BTBD9: variants seen among roughly 807,000 people sequenced by gnomAD.
The protein encoded by BTBD9 is BTB domain containing 9.
A neutral mutation model predicts 64.3 loss-of-function variants in BTBD9; 49 were observed. That is an observed-to-expected ratio of 0.76 (90% CI 0.61 to 0.97). The LOEUF (loss-of-function observed/expected upper bound fraction) is 0.97, where lower values mean the gene tolerates loss of function less well. Ranked by LOEUF, BTBD9 falls within the 50% of genes least tolerant of loss-of-function variation. BTBD9 has a pLI of 0.00. For missense variants in BTBD9, 598 were observed against 762.1 expected, an observed-to-expected ratio of 0.78 and a Z score of 2.53; for synonymous variants, 260 against 274.7, an observed-to-expected ratio of 0.95 and a Z score of 0.53.
intron 6 of BTBD9, among the ~76,000 whole-genome samples, chr6:38,511,632 G>A (rs1364939467): frequency 7.2e-5 from 11 of 151,728 alleles, no homozygotes; most frequent in South Asian, 2.1e-4. Context: ...ATGAGCCACC[G>A]CTCCTGGCTG....
chr6:38,509,793 T>C (rs1324969230), intron 6 of BTBD9, among the ~76,000 whole-genome samples: 2 of 152,216 alleles, frequency 1.3e-5, no homozygotes, highest in Non-Finnish European at 2.9e-5. Context: ...ATTTGTTGAA[T>C]GAATGCTTGA....
chr6:38,452,590 A>G (rs559334998), intron 6 of BTBD9, among the ~76,000 whole-genome samples: 1 of 152,178 alleles, frequency 6.6e-6, no homozygotes, highest in Non-Finnish European at 1.5e-5. Flanking sequence ...AAAGATGAAT[A>G]TAAGAGAAAT....
chr6:38,429,626 A>G (rs1454495275), intron 6 of BTBD9, among the ~76,000 whole-genome samples: 1 of 151,956 alleles, frequency 6.6e-6, no homozygotes, highest in African/African-American at 2.4e-5. Context: ...CTGCATCTAC[A>G]GTGTTGCTCC....
chr6:38,445,338 A>C (rs1442931447), intron 6 of BTBD9, among the ~76,000 whole-genome samples: 1 of 152,192 alleles, frequency 6.6e-6, no homozygotes, highest in African/African-American at 2.4e-5. Context: ...CTTTGGTCTT[A>C]ACTATTTTTC....
intron 6 of BTBD9, among the ~76,000 whole-genome samples, chr6:38,441,010 G>A (rs1562191523): frequency 6.6e-6 from 1 of 152,174 alleles, no homozygotes; most frequent in Non-Finnish European, 1.5e-5. Context: ...AACACCCTGT[G>A]GAGAAGTGGA....
At chr6:38,232,301 C>T (rs1031743542) in intron 9 of BTBD9, among the ~76,000 whole-genome samples, 3 of 151,180 alleles carry the variant, frequency 2.0e-5, no homozygotes, top group South Asian at 2.1e-4. Context: ...GACGGAGTCT[C>T]GCTCTGTTGC....
chr6:38,351,750 C>T (rs541653391), intron 6 of BTBD9, among the ~76,000 whole-genome samples: 35 of 151,986 alleles, frequency 2.3e-4, no homozygotes, highest in Middle Eastern at 3.4e-3. Flanking sequence ...CTGCCCGCCT[C>T]GGCCTCCCAA....
chr6:38,286,418 C>T (rs956682867), intron 8 of BTBD9, among the ~76,000 whole-genome samples: 12 of 152,126 alleles, frequency 7.9e-5, no homozygotes, highest in Non-Finnish European at 1.3e-4. Flanking sequence ...CAGGAAACAA[C>T]AAAGCAAATG....
At chr6:38,589,755 C>A (rs1776707228) in intron 4 of BTBD9, among the ~76,000 whole-genome samples, 1 of 152,212 alleles carries the variant, frequency 6.6e-6, no homozygotes. Flanking sequence ...CAACTAATCA[C>A]AATTTATATC....
intron 9 of BTBD9, among the ~76,000 whole-genome samples, chr6:38,217,239 A>G (rs949300658): frequency 2.0e-5 from 3 of 149,074 alleles, no homozygotes; most frequent in Non-Finnish European, 4.4e-5. Context: ...GAATCGCTTG[A>G]ACCCGGGAGG....
intron 6 of BTBD9, among the ~76,000 whole-genome samples, chr6:38,479,967 G>A (rs766845421): frequency 1.1e-4 from 16 of 152,110 alleles, no homozygotes; most frequent in Admixed American, 3.9e-4. Context: ...GGGCTCAAGC[G>A]ATCCTCCTGC....
At chr6:38,553,325 G>C (rs1296428488) in intron 6 of BTBD9, among the ~76,000 whole-genome samples, 1 of 152,180 alleles carries the variant, frequency 6.6e-6, no homozygotes, top group Non-Finnish European at 1.5e-5. Context: ...TTAATGCCAA[G>C]ATTGTGGTGA....
intron 1 of BTBD9, among the ~76,000 whole-genome samples, chr6:38,617,790 T>C (rs1777842217): frequency 6.6e-6 from 1 of 152,172 alleles, no homozygotes; most frequent in African/African-American, 2.4e-5. Context: ...TTGAGGCATA[T>C]CATCTTCATA....
chr6:38,626,831 A>C (rs983056844), intron 1 of BTBD9, among the ~76,000 whole-genome samples: 4 of 152,176 alleles, frequency 2.6e-5, no homozygotes, highest in Non-Finnish European at 5.9e-5. Flanking sequence ...GGCCCTAAAG[A>C]AGCACTGACC....
intron 8 of BTBD9, among the ~76,000 whole-genome samples, chr6:38,272,742 T>C (rs981363365): frequency 6.6e-6 from 1 of 152,192 alleles, no homozygotes; most frequent in Non-Finnish European, 1.5e-5. Flanking sequence ...TTATAGATGA[T>C]GGTTTATCTA....
intron 6 of BTBD9, among the ~76,000 whole-genome samples, chr6:38,539,996 T>C (rs1774196231): frequency 1.3e-5 from 2 of 152,210 alleles, no homozygotes; most frequent in African/African-American, 2.4e-5. Flanking sequence ...GATGTTGATG[T>C]TATTAGTGCT....
chr6:38,212,258 A>G (rs1401442360), intron 9 of BTBD9, among the ~76,000 whole-genome samples: 1 of 152,156 alleles, frequency 6.6e-6, no homozygotes, highest in Non-Finnish European at 1.5e-5. Context: ...GCTGCTGGGT[A>G]GAGTGAGGTG....
intron 1 of BTBD9, among the ~76,000 whole-genome samples, chr6:38,598,932 T>A (rs1043031944): frequency 6.6e-6 from 1 of 151,828 alleles, no homozygotes; most frequent in African/African-American, 2.4e-5. Flanking sequence ...AAAATAATAA[T>A]AATAATAATC....
intron 6 of BTBD9, among the ~76,000 whole-genome samples, chr6:38,375,280 T>G (rs997545155): frequency 6.6e-6 from 1 of 152,212 alleles, no homozygotes; most frequent in Non-Finnish European, 1.5e-5. Context: ...ATTGCTTGTA[T>G]CTTGCTTTTT....
Sources: allele counts gnomAD v4.1 joint callset (sites outside exome capture counted in the v4.1 genomes callset), GRCh38; gene constraint gnomAD v4.1.1; transcripts MANE v1.5; gene names NCBI Gene and HGNC (gene_info 2026-07-23, HGNC 2026-07-21).